The following VPS45 variants were observed in gnomAD, a reference collection of about 807,000 sequenced individuals.
The protein encoded by VPS45 is vacuolar protein sorting 45 homolog.
A neutral mutation model predicts 75.9 loss-of-function variants in VPS45; 35 were observed. The observed-to-expected ratio is 0.46, with a 90% confidence interval of 0.35 to 0.61. VPS45 has a LOEUF of 0.61. Among genes scored for constraint, VPS45 ranks in the 20% least tolerant of loss-of-function variants. The pLI is 0.00. For synonymous variants in VPS45, 220 were observed against 238.2 expected (o/e 0.92, Z 0.70); for missense variants, 559 against 685.9 (o/e 0.81, Z 2.07).
At chr1:150,094,184 C>G (rs1037117916) in intron 13 of VPS45, among the ~76,000 whole-genome samples, 2 of 152,208 alleles carry the variant, frequency 1.3e-5, no homozygotes, top group Non-Finnish European at 2.9e-5. Context: ...TTAATAAAAA[C>G]AAAACTTGTC....
chr1:150,089,164 A>T (rs1267350750), intron 10 of VPS45, among the ~76,000 whole-genome samples: 2 of 152,264 alleles, frequency 1.3e-5, no homozygotes, highest in Middle Eastern at 3.4e-3. Context: ...ATAGTCTTTG[A>T]CTGTCATCAT....
intron 14 of VPS45, among the ~76,000 whole-genome samples, chr1:150,126,745 C>G (rs782487851): frequency 2.0e-5 from 3 of 152,140 alleles, no homozygotes; most frequent in Admixed American, 6.6e-5. Context: ...TTGGGAGGAT[C>G]ATTTGAGGCC....
At chr1:150,135,682 C>T (rs1659040077) in intron 14 of VPS45, among the ~76,000 whole-genome samples, 1 of 152,012 alleles carries the variant, frequency 6.6e-6, no homozygotes, top group South Asian at 2.1e-4. Context: ...TCCTCTGTCG[C>T]CCAGGCTAGA....
intron 10 of VPS45, among the ~76,000 whole-genome samples, chr1:150,088,519 G>A (rs61805643): frequency 0.027 from 3,027 of 113,250 alleles, 41 homozygotes; most frequent in Admixed American, 0.043. Context: ...TGGCTCTATC[G>A]CCCAGGCTAG....
intron 10 of VPS45, among the ~76,000 whole-genome samples, chr1:150,086,438 G>T (rs1656018130): frequency 6.6e-6 from 1 of 151,990 alleles, no homozygotes; most frequent in African/African-American, 2.4e-5. Context: ...ATGTTTTTTA[G>T]TTCAGTGATA....
At chr1:150,084,883 T>C (rs1250489304) in intron 10 of VPS45, among the ~76,000 whole-genome samples, 1 of 152,120 alleles carries the variant, frequency 6.6e-6, no homozygotes, top group East Asian at 1.9e-4. Context: ...ATAGGTGCTT[T>C]GTAAATGTTA....
At chr1:150,088,457 G>T in intron 10 of VPS45, among the ~76,000 whole-genome samples, 3 of 1,804 alleles carry the variant, frequency 1.7e-3, no homozygotes, top group African/African-American at 3.7e-3. Flanking sequence ...ATATATATAT[G>T]CTGCTATTTT....
chr1:150,119,154 T>C (rs587657723), intron 14 of VPS45, among the ~76,000 whole-genome samples: 1 of 152,338 alleles, frequency 6.6e-6, no homozygotes, highest in East Asian at 1.9e-4. Context: ...AGTTTCACCT[T>C]TGAATGGAAA....
At chr1:150,126,925 A>T (rs1341541910) in intron 14 of VPS45, among the ~76,000 whole-genome samples, 1 of 152,232 alleles carries the variant, frequency 6.6e-6, no homozygotes, top group Non-Finnish European at 1.5e-5. Context: ...GATAAAAAAG[A>T]TAATTTAAAA....
chr1:150,073,279 A>T (rs957377383), intron 3 of VPS45, among the ~76,000 whole-genome samples: 1 of 152,198 alleles, frequency 6.6e-6, no homozygotes, highest in Non-Finnish European at 1.5e-5. Flanking sequence ...TTTAAAGCTT[A>T]CTTAAAGGTA....
rs1553799765 is a variant in VPS45 at position 150,082,851 on chromosome 1, G to A, written c.1072G>A (p.Ala358Thr). 6.2e-7 allele frequency: 1 copy of A among 1,614,100 alleles called. No individual in the cohort carries two copies. Among genetic ancestry groups the A allele is most frequent in the Non-Finnish European group, 8.5e-7 (1 of 1,180,000 alleles). The change falls in exon 10 of 15, where the codon GCC (alanine) becomes ACC (threonine). Residue 358 changes from alanine (A) to threonine (T), a missense_variant. Transcript: ENST00000644510. ...GGTTTCAGAGGTTGAGCAAGAACTG[G>A]CCTGTCAAAATGACCATTCTAGTGC... is the stretch of plus-strand genomic sequence containing the variant. ...LEVSEVEQEL[A>T]CQNDHSSALQ...
chr1:150,097,205 C>G (rs1656709866), intron 13 of VPS45, among the ~76,000 whole-genome samples: 1 of 151,366 alleles, frequency 6.6e-6, no homozygotes, highest in Non-Finnish European at 1.5e-5. Context: ...CCTGCCTCAG[C>G]CTCCTGAGTA....
intron 14 of VPS45, among the ~76,000 whole-genome samples, chr1:150,141,078 G>T (rs782470690): frequency 6.6e-6 from 1 of 152,152 alleles, no homozygotes; most frequent in Non-Finnish European, 1.5e-5. Context: ...AGCATTTTCA[G>T]TGTTTTAAGC....
chr1:150,074,175 C>A (rs1655240488), intron 3 of VPS45, among the ~76,000 whole-genome samples: 1 of 151,460 alleles, frequency 6.6e-6, no homozygotes, highest in Non-Finnish European at 1.5e-5. Flanking sequence ...CCACCACGCC[C>A]AGCTAATTTT....
intron 14 of VPS45, 37 bp from the exon 15 acceptor site, chr1:150,144,672 T>G: frequency 6.4e-7 from 1 of 1,565,468 alleles, no homozygotes; most frequent in Non-Finnish European, 8.7e-7. Flanking sequence ...GAGATGCTTT[T>G]GTTTTTTCCT....
intron 7 of VPS45, among the ~76,000 whole-genome samples, chr1:150,078,741 G>A (rs144398393): frequency 0.022 from 3,268 of 150,156 alleles, 95 homozygotes; most frequent in African/African-American, 0.075. Flanking sequence ...CAGCCAGGGC[G>A]ACAGAGCAAG....
At chr1:150,082,987 C>A in intron 10 of VPS45, 104 bp downstream of exon 10, 2 of 1,173,756 alleles carry the variant, frequency 1.7e-6, no homozygotes, top group Non-Finnish European at 1.2e-6. Context: ...GGAATTTAGT[C>A]CAACAAGGAG....
intron 6 of VPS45, 25 bp downstream of exon 6, chr1:150,077,256 C>T (rs1324111292): frequency 1.4e-5 from 23 of 1,597,566 alleles, no homozygotes; most frequent in Non-Finnish European, 1.8e-5. Context: ...ATTCCTGGTT[C>T]CAAAACATAA....
intron 14 of VPS45, among the ~76,000 whole-genome samples, chr1:150,122,126 G>C (rs1301539984): frequency 2.0e-5 from 3 of 152,106 alleles, no homozygotes; most frequent in African/African-American, 7.2e-5. Context: ...TTCAAGACTA[G>C]TCTGGCCAAC....
Sources: allele counts gnomAD v4.1 joint callset (sites outside exome capture counted in the v4.1 genomes callset), GRCh38; gene constraint gnomAD v4.1.1; transcripts MANE v1.5; gene names NCBI Gene and HGNC (gene_info 2026-07-23, HGNC 2026-07-21).